Variants in PTPRR observed in about 807,000 individuals in gnomAD.
PTPRR encodes the protein protein tyrosine phosphatase receptor type R.
A neutral mutation model predicts 77.2 loss-of-function variants in PTPRR; 38 were observed. The observed-to-expected ratio is 0.49, with a 90% CI of 0.38 to 0.65. PTPRR has a LOEUF of 0.65. Among genes scored for constraint, PTPRR ranks in the 30% least tolerant of loss-of-function variants. The pLI, the probability that PTPRR is intolerant of heterozygous loss-of-function variation, is 0.00. For synonymous variants in PTPRR, 299 were observed against 283.1 expected (o/e 1.06, Z -0.57); for missense variants, 744 against 799.2 (o/e 0.93, Z 0.83).
intron 2 of PTPRR, among the ~76,000 whole-genome samples, chr12:70,767,147 C>T (rs1409941168): frequency 6.6e-6 from 1 of 151,804 alleles, no homozygotes; most frequent in South Asian, 2.1e-4. Context: ...ATGACAGGAT[C>T]AAATTCACAC....
At chr12:70,864,985 T>C (rs1240808505) in intron 2 of PTPRR, among the ~76,000 whole-genome samples, 2 of 152,068 alleles carry the variant, frequency 1.3e-5, no homozygotes, top group African/African-American at 4.8e-5. Context: ...CTAATTTTTT[T>C]TGTATTTTTA....
intron 8 of PTPRR, among the ~76,000 whole-genome samples, chr12:70,688,901 T>C (rs1189979967): frequency 6.6e-6 from 1 of 152,174 alleles, no homozygotes; most frequent in East Asian, 1.9e-4. Flanking sequence ...ATAGATAGAC[T>C]TCACAGATAT....
At chr12:70,826,752 G>A (rs559315698) in intron 2 of PTPRR, among the ~76,000 whole-genome samples, 4 of 152,136 alleles carry the variant, frequency 2.6e-5, no homozygotes, top group East Asian at 1.9e-4. Context: ...CCTTTGCTCC[G>A]GATAATGTCA....
At chr12:70,904,067 T>A (rs1347188346) in intron 1 of PTPRR, among the ~76,000 whole-genome samples, 1 of 151,862 alleles carries the variant, frequency 6.6e-6, no homozygotes, top group African/African-American at 2.4e-5. Flanking sequence ...CTAATAATAC[T>A]GGAGAGGATC....
chr12:70,671,610 T>C (rs1299323423), intron 10 of PTPRR, among the ~76,000 whole-genome samples: 1 of 152,192 alleles, frequency 6.6e-6, no homozygotes, highest in African/African-American at 2.4e-5. Context: ...ACAGATCCAT[T>C]TGGCTCTCCT....
chr12:70,724,387 G>T (rs1889362266), intron 6 of PTPRR, among the ~76,000 whole-genome samples: 1 of 152,102 alleles, frequency 6.6e-6, no homozygotes, highest in African/African-American at 2.4e-5. Flanking sequence ...GTAAAATGGG[G>T]ATACAACTTG....
At chr12:70,792,973 CA>C (rs1430241698) in intron 2 of PTPRR, among the ~76,000 whole-genome samples, 1 of 152,104 alleles carries the variant, frequency 6.6e-6, no homozygotes, top group African/African-American at 2.4e-5. Flanking sequence ...ATAGTGAAAT[CA>C]TTAATGATCT....
At chr12:70,655,158 T>C (rs757649342) in intron 13 of PTPRR, among the ~76,000 whole-genome samples, 16 of 152,176 alleles carry the variant, frequency 1.1e-4, no homozygotes, top group Non-Finnish European at 2.4e-4. Flanking sequence ...ATAACAAAGG[T>C]GATCAAACCA....
intron 6 of PTPRR, among the ~76,000 whole-genome samples, chr12:70,702,474 C>A (rs1381394661): frequency 6.6e-6 from 1 of 152,060 alleles, no homozygotes; most frequent in African/African-American, 2.4e-5. Context: ...AGATGCTAGG[C>A]CCAGCAAATT....
At position 70,821,990 on chromosome 12, in the gene PTPRR, G is replaced by A. The variant is rs1892024091; in HGVS notation, c.358-57212C>T. ...AAACCTATGTATTTATTAAGTGAGG[G>A]AAGTATTTGTTGACATGTTTGATTT... On this transcript the variant is annotated intron_variant, in intron 2 of 13. Transcript: ENST00000283228. Among the ~76,000 whole-genome samples, 4 of 152,310 alleles carry A rather than the reference G, an allele frequency of 2.6e-5. 1 individual carries two copies. The South Asian group carries it at 8.3e-4, about 32-fold the overall frequency.
chr12:70,660,912 T>C, intron 12 of PTPRR, 28 bp downstream of exon 12: 1 of 1,589,658 alleles, frequency 6.3e-7, no homozygotes. Context: ...GGCCATTGCT[T>C]AGACAGAAAG....
chr12:70,772,881 T>A (rs988342), intron 2 of PTPRR, among the ~76,000 whole-genome samples: 51,932 of 151,826 alleles, frequency 0.34, 10,302 homozygotes, highest in African/African-American at 0.55. Context: ...TATTTTTTTT[T>A]AAGCTTAAAA....
intron 13 of PTPRR, 56 bp from the exon 14 acceptor site, chr12:70,639,333 T>C: frequency 6.4e-7 from 1 of 1,570,118 alleles, no homozygotes; most frequent in Non-Finnish European, 8.7e-7. Flanking sequence ...CAATTTCAAG[T>C]AACACAGAGA....
At chr12:70,698,222 C>T (rs768307901) in intron 8 of PTPRR, 43 bp downstream of exon 8, 5 of 1,551,894 alleles carry the variant, frequency 3.2e-6, no homozygotes, top group Non-Finnish European at 4.4e-6. Context: ...TATCCCTCCC[C>T]TTGCCCCCCA....
intron 10 of PTPRR, among the ~76,000 whole-genome samples, chr12:70,683,228 A>G (rs945313290): frequency 6.6e-6 from 1 of 152,220 alleles, no homozygotes; most frequent in Non-Finnish European, 1.5e-5. Flanking sequence ...CTCTGGTACA[A>G]TATTTTTGAC....
intron 4 of PTPRR, chr12:70,754,675 A>T (rs1261743025): frequency 6.3e-7 from 1 of 1,597,298 alleles, no homozygotes; most frequent in Non-Finnish European, 8.5e-7. Context: ...CTCCCACAAC[A>T]TCAGCACCCT....
At chr12:70,659,756 C>T (rs1039625219) in intron 12 of PTPRR, among the ~76,000 whole-genome samples, 23 of 151,876 alleles carry the variant, frequency 1.5e-4, no homozygotes, top group Non-Finnish European at 2.9e-5. Context: ...ACCACACAAT[C>T]TCAAAAAAGG....
chr12:70,740,356 G>A lies in PTPRR; in HGVS notation c.1007+5462C>T, dbSNP rs1319617293. 2.2e-5 allele frequency among the ~76,000 whole-genome samples: 3 copies of A among 134,660 alleles called. No homozygotes were observed. The East Asian group carries it at 7.1e-4, about 32-fold the overall frequency. The allele number at this position is 134,660 out of a possible 152,430, so 88.3% of individuals were successfully genotyped here. A position where few individuals can be genotyped will look rare whatever the true frequency, so the allele number is the denominator to read the frequency against. On this transcript the variant is annotated intron_variant, in intron 6 of 13. Coordinates refer to ENST00000283228, the MANE Select transcript of PTPRR (RefSeq NM_002849.4). Reference sequence around the variant, plus strand: ...TTTGAAAAAGGGAGAAAAGAAGACTGAATTGCTATGTTTCTCTTTTTTTTT... The same window carrying A: ...TTTGAAAAAGGGAGAAAAGAAGACTAAATTGCTATGTTTCTCTTTTTTTTT...
chr12:70,707,827 C>T (rs1888672429), intron 6 of PTPRR, among the ~76,000 whole-genome samples: 1 of 152,180 alleles, frequency 6.6e-6, no homozygotes, highest in East Asian at 1.9e-4. Context: ...ACTCTAAAAT[C>T]TCCTAGTTCA....
Sources: gnomAD v4.1 joint callset for allele counts (sites outside exome capture counted in the v4.1 genomes callset) on GRCh38, gnomAD v4.1.1 for gene constraint, MANE v1.5 for transcripts, NCBI Gene and HGNC (gene_info 2026-07-23, HGNC 2026-07-21) for gene names.